Variants in NOS1AP observed in about 807,000 individuals in gnomAD.
The protein encoded by NOS1AP is carboxyl-terminal PDZ ligand of neuronal nitric oxide synthase protein.
In NOS1AP, 21 loss-of-function variants were observed where a neutral mutation model predicts 56.2. That is an observed-to-expected ratio of 0.37 (90% confidence interval 0.26 to 0.54). NOS1AP has a LOEUF of 0.54. NOS1AP is among the 20% of genes least tolerant of loss of function. The pLI is 0.84. For synonymous variants in NOS1AP, 270 were observed against 274.6 expected, an observed-to-expected ratio of 0.98 and a Z score of 0.17; for missense variants, 522 against 657.8, an observed-to-expected ratio of 0.79 and a Z score of 2.26.
intron 9 of NOS1AP, 123 bp downstream of exon 9, chr1:162,365,692 A>G: frequency 8.2e-7 from 1 of 1,225,324 alleles, no homozygotes; most frequent in Non-Finnish European, 1.2e-6. Context: ...CCAGCAGAAA[A>G]CATAGGCAGC....
chr1:162,230,787 T>C (rs1356329331), intron 2 of NOS1AP, among the ~76,000 whole-genome samples: 1 of 152,250 alleles, frequency 6.6e-6, no homozygotes, highest in Non-Finnish European at 1.5e-5. Context: ...TAGCATAATG[T>C]CCTCAAGGTT....
rs551355283 is a variant in NOS1AP, at chr1:162,312,394, T to C, written c.344+11688T>C. 1.3e-3 allele frequency among the ~76,000 whole-genome samples: 171 copies of C among 129,538 alleles called. 1 individual carries two copies. The South Asian group carries it at 0.023, about 17-fold the overall frequency. 85.0% of individuals were successfully genotyped at this position (129,538 alleles called of 152,430 possible). A position where few individuals can be genotyped will look rare whatever the true frequency, so the allele number is the denominator to read the frequency against. On this transcript the variant is annotated intron_variant, in intron 4 of 9. Coordinates refer to ENST00000361897, the MANE Select transcript of NOS1AP (RefSeq NM_014697.3). Reference sequence around the variant, plus strand: ...CATAAATGTCTTCTTTTGAGAAGTGTCTGTTCATGTCCTTCGCCCACTTTT... The same window carrying C: ...CATAAATGTCTTCTTTTGAGAAGTGCCTGTTCATGTCCTTCGCCCACTTTT...
intron 2 of NOS1AP, among the ~76,000 whole-genome samples, chr1:162,176,252 A>G (rs189229302): frequency 1.3e-5 from 2 of 152,070 alleles, no homozygotes; most frequent in South Asian, 2.1e-4. Flanking sequence ...TTAATGTCCT[A>G]TACTTACATT....
chr1:162,098,310 T>C (rs1257984650), intron 1 of NOS1AP, among the ~76,000 whole-genome samples: 2 of 151,924 alleles, frequency 1.3e-5, no homozygotes, highest in African/African-American at 2.4e-5. Flanking sequence ...TCTCACCATG[T>C]TGCCCATGCT....
Position 162,199,376 on chromosome 1 carries a change from G to T in NOS1AP, c.177+44900G>T, listed in dbSNP as rs16858227. ...ATTTATTCCTTTAAACCCTTGTAAG[G>T]CTCCATAGATGAAGTGAGGATAAAT... On this transcript the variant is annotated intron_variant, in intron 2 of 9. Transcript: ENST00000361897. Among the ~76,000 whole-genome samples the T allele has an allele frequency of 5.6e-3, 848 of 152,296 alleles. 21 individuals are homozygous for T. In the East Asian group the frequency reaches 0.059, roughly 11 times the overall value.
intron 1 of NOS1AP, among the ~76,000 whole-genome samples, chr1:162,070,571 G>T (rs1222940788): frequency 6.6e-6 from 1 of 152,172 alleles, no homozygotes; most frequent in Non-Finnish European, 1.5e-5. Context: ...TTACTTCCCG[G>T]ATCCCTCCTC....
At chr1:162,176,295 A>G (rs1276537240) in intron 2 of NOS1AP, among the ~76,000 whole-genome samples, 4 of 152,074 alleles carry the variant, frequency 2.6e-5, no homozygotes, top group Non-Finnish European at 5.9e-5. Flanking sequence ...TACTGCCCCA[A>G]ATAGTCCACT....
intron 2 of NOS1AP, among the ~76,000 whole-genome samples, chr1:162,277,837 A>G (rs527257719): frequency 6.6e-6 from 1 of 152,118 alleles, no homozygotes; most frequent in Non-Finnish European, 1.5e-5. Context: ...TTCTCAGTCT[A>G]TATAGTGATT....
In NOS1AP at chr1:162,359,587, G is replaced by A. The variant is rs138904479; in HGVS notation, c.939+2451G>A. Among the ~76,000 whole-genome samples the A allele has an allele frequency of 5.3e-5, 8 of 152,248 alleles. No homozygotes were observed. In the East Asian group the frequency reaches 1.5e-3, roughly 29 times the overall value. On this transcript the variant is annotated intron_variant, in intron 8 of 9. Transcript: ENST00000361897. Reference sequence around the variant, plus strand: ...TTTCTTTGTAGTGTTTAATTCAAGGGCTTTTTTACTAGTGTCTATATCCTT... The same window carrying A: ...TTTCTTTGTAGTGTTTAATTCAAGGACTTTTTTACTAGTGTCTATATCCTT...
chr1:162,346,059 G>A, intron 6 of NOS1AP, among the ~76,000 whole-genome samples: 1 of 152,184 alleles, frequency 6.6e-6, no homozygotes, highest in East Asian at 1.9e-4. Flanking sequence ...TACAAACCCA[G>A]ATGTGTTTGC....
chr1:162,323,882 T>C lies in NOS1AP; in HGVS notation c.345-9135T>C, dbSNP rs573733003. Among the ~76,000 whole-genome samples, 91 of 152,306 alleles carry C rather than the reference T, an allele frequency of 6.0e-4. 1 individual carries two copies. Among genetic ancestry groups the C allele is most frequent in the African/African-American group, 2.1e-3 (89 of 41,570 alleles). On this transcript the variant is annotated intron_variant, in intron 4 of 9. Transcript: ENST00000361897. ...AAATTACAGGCATCTCAGTGTATAC[T>C]GGGGAGTGGACAAGGAAGGGTGCGA...
chr1:162,261,509 A>G (rs1393589664), intron 2 of NOS1AP, among the ~76,000 whole-genome samples: 1 of 15,162 alleles, frequency 6.6e-5, no homozygotes, highest in African/African-American at 2.8e-4. Flanking sequence ...AGAGAGAGAG[A>G]GAGAGAGAGA....
intron 5 of NOS1AP, among the ~76,000 whole-genome samples, chr1:162,335,290 G>A (rs548954279): frequency 5.6e-4 from 86 of 152,334 alleles, no homozygotes; most frequent in Admixed American, 3.7e-3. Flanking sequence ...CAGCTGAGGG[G>A]ATTGTTTCCA....
intron 2 of NOS1AP, among the ~76,000 whole-genome samples, chr1:162,251,983 C>T (rs1557849665): frequency 6.7e-6 from 1 of 149,074 alleles, no homozygotes; most frequent in Non-Finnish European, 1.5e-5. Context: ...GTGTGAGCCA[C>T]CACAACTGGC....
chr1:162,163,682 TG>T (rs557337363), intron 2 of NOS1AP, among the ~76,000 whole-genome samples: 1 of 151,964 alleles, frequency 6.6e-6, no homozygotes, highest in Non-Finnish European at 1.5e-5. Context: ...TCACCATTCC[TG>T]GGGGGCAGGA....
intron 6 of NOS1AP, among the ~76,000 whole-genome samples, chr1:162,349,626 C>T (rs1306251263): frequency 6.6e-6 from 1 of 152,206 alleles, no homozygotes; most frequent in African/African-American, 2.4e-5. Context: ...TAATGCCTAG[C>T]ATATAATATG....
At chr1:162,136,559 T>C (rs1649013541) in intron 1 of NOS1AP, among the ~76,000 whole-genome samples, 1 of 152,232 alleles carries the variant, frequency 6.6e-6, no homozygotes, top group Non-Finnish European at 1.5e-5. Context: ...AGATTCTGTC[T>C]TGCTGGTATG....
Position 162,185,789 on chromosome 1 carries a change from G to A in NOS1AP, c.177+31313G>A, listed in dbSNP as rs544419574. 1.4e-4 allele frequency among the ~76,000 whole-genome samples: 22 copies of A among 152,278 alleles called. 3 individuals carry two copies. The highest frequency in any genetic ancestry group is 5.3e-4 in the African/African-American group (22 of 41,550). ...AATGTTATTATAATATTTGGAATGA[G>A]GATTTGTGGTGGAGGAAAAACAAAA... On this transcript the variant is annotated intron_variant, in intron 2 of 9. Coordinates refer to ENST00000361897, the MANE Select transcript of NOS1AP (RefSeq NM_014697.3).
chr1:162,337,472 A>G (rs1386664393), intron 5 of NOS1AP, among the ~76,000 whole-genome samples: 1 of 152,210 alleles, frequency 6.6e-6, no homozygotes, highest in African/African-American at 2.4e-5. Flanking sequence ...AAAGTTAGGG[A>G]AAGAGTCTGT....
Sources: allele counts gnomAD v4.1 joint callset (sites outside exome capture counted in the v4.1 genomes callset), GRCh38; gene constraint gnomAD v4.1.1; transcripts MANE v1.5; gene names NCBI Gene and HGNC (gene_info 2026-07-23, HGNC 2026-07-21).